Variants in GRIK4 observed in about 807,000 individuals in gnomAD.
The protein encoded by GRIK4 is glutamate receptor ionotropic, kainate 4.
Under a neutral mutation model 104.9 loss-of-function variants are expected in GRIK4, and 40 were observed. The ratio of observed to expected loss-of-function variants is 0.38; its 90% CI spans 0.30 to 0.50. The LOEUF is 0.50. Ranked by LOEUF, GRIK4 falls within the 20% of genes least tolerant of loss-of-function variation. The probability of loss-of-function intolerance (pLI) is 0.93; values close to 1 mark genes in which losing one functional copy is unlikely to be tolerated. For synonymous variants in GRIK4, 485 were observed against 524.9 expected (o/e 0.92, Z 1.04); for missense variants, 1,047 against 1,308.1 (o/e 0.80, Z 3.08).
At chr11:120,725,633 A>G (rs1033803324) in intron 3 of GRIK4, among the ~76,000 whole-genome samples, 6 of 152,124 alleles carry the variant, frequency 3.9e-5, no homozygotes, top group African/African-American at 1.4e-4. Flanking sequence ...GGTGAGTTTC[A>G]ATTCTTTGAT....
intron 1 of GRIK4, among the ~76,000 whole-genome samples, chr11:120,531,359 G>C (rs1404577660): frequency 6.6e-6 from 1 of 152,156 alleles, no homozygotes; most frequent in Non-Finnish European, 1.5e-5. Context: ...CATGTCGTCT[G>C]CCCCTGCCAC....
chr11:120,583,797 T>A (rs1185707286), intron 1 of GRIK4, among the ~76,000 whole-genome samples: 1 of 152,250 alleles, frequency 6.6e-6, no homozygotes, highest in Non-Finnish European at 1.5e-5. Context: ...TGTAGATTGC[T>A]TTGGGCAGTA....
chr11:120,723,749 C>T (rs532035841), intron 3 of GRIK4, among the ~76,000 whole-genome samples: 1 of 152,192 alleles, frequency 6.6e-6, no homozygotes, highest in South Asian at 2.1e-4. Flanking sequence ...GCTTTATAAG[C>T]TGTGACGCTC....
At chr11:120,949,436 C>A (rs1253569682) in intron 14 of GRIK4, among the ~76,000 whole-genome samples, 1 of 152,182 alleles carries the variant, frequency 6.6e-6, no homozygotes, top group African/African-American at 2.4e-5. Context: ...ACATTTGGGG[C>A]ATAGACTATA....
intron 10 of GRIK4, 129 bp from the exon 11 acceptor site, chr11:120,875,010 G>A (rs1384596774): frequency 1.1e-5 from 7 of 660,956 alleles, no homozygotes; most frequent in Non-Finnish European, 1.9e-5. Flanking sequence ...CTGTGTGTGG[G>A]CAGGAGAAGG....
chr11:120,837,351 A>T (rs1953600261), intron 8 of GRIK4, among the ~76,000 whole-genome samples: 2 of 152,046 alleles, frequency 1.3e-5, no homozygotes, highest in Admixed American at 1.3e-4. Context: ...GTTGAAACAG[A>T]CCTTAGAGGA....
intron 8 of GRIK4, among the ~76,000 whole-genome samples, chr11:120,853,933 G>A (rs149142511): frequency 1.3e-5 from 2 of 152,174 alleles, no homozygotes; most frequent in African/African-American, 2.4e-5. Context: ...GGTCTTATTT[G>A]CCAAGGACCT....
At chr11:120,708,928 C>T (rs1221758809) in intron 3 of GRIK4, among the ~76,000 whole-genome samples, 1 of 152,098 alleles carries the variant, frequency 6.6e-6, no homozygotes. Context: ...TTCGATGGGC[C>T]AGAGCATAAG....
chr11:120,684,258 G>A (rs1186548613), intron 3 of GRIK4, among the ~76,000 whole-genome samples: 5 of 152,200 alleles, frequency 3.3e-5, no homozygotes, highest in African/African-American at 1.2e-4. Flanking sequence ...GGGAGATTGA[G>A]GCTGCAGTGA....
At chr11:120,894,910 A>G (rs1942533679) in intron 11 of GRIK4, 1 of 145,288 alleles carries the variant, frequency 6.9e-6, no homozygotes, top group African/African-American at 2.5e-5. Flanking sequence ...GCCTTTCTGC[A>G]ATTAGATTGC....
At chr11:120,583,612 G>C (rs1948617461) in intron 1 of GRIK4, among the ~76,000 whole-genome samples, 1 of 152,168 alleles carries the variant, frequency 6.6e-6, no homozygotes, top group African/African-American at 2.4e-5. Flanking sequence ...TTTGTTTACT[G>C]TAACCATGTA....
At chr11:120,690,390 C>T (rs1012483282) in intron 3 of GRIK4, among the ~76,000 whole-genome samples, 2 of 152,238 alleles carry the variant, frequency 1.3e-5, no homozygotes, top group Non-Finnish European at 2.9e-5. Flanking sequence ...CACATTCTCC[C>T]ACTGCAATCC....
chr11:120,795,201 T>C (rs1438075300), intron 3 of GRIK4, among the ~76,000 whole-genome samples: 2 of 152,150 alleles, frequency 1.3e-5, no homozygotes, highest in East Asian at 3.8e-4. Context: ...GTTACCGAAG[T>C]GCATGGAAAT....
intron 3 of GRIK4, among the ~76,000 whole-genome samples, chr11:120,715,453 A>G (rs755897578): frequency 2.6e-5 from 4 of 152,148 alleles, no homozygotes; most frequent in Non-Finnish European, 4.4e-5. Flanking sequence ...GAACCCCCCT[A>G]GAGGTTGTTC....
At chr11:120,779,738 A>C (rs140962818) in intron 3 of GRIK4, among the ~76,000 whole-genome samples, 86 of 152,344 alleles carry the variant, frequency 5.6e-4, no homozygotes, top group African/African-American at 2.0e-3. Flanking sequence ...ATCTTCCTCA[A>C]ATCAAATCAT....
intron 3 of GRIK4, among the ~76,000 whole-genome samples, chr11:120,742,203 G>A (rs772963812): frequency 1.4e-4 from 21 of 152,044 alleles, no homozygotes; most frequent in African/African-American, 4.3e-4. Context: ...AAAGTTAGCC[G>A]GGCATGTTGG....
At chr11:120,558,723 A>G (rs1362196575) in intron 1 of GRIK4, among the ~76,000 whole-genome samples, 1 of 152,258 alleles carries the variant, frequency 6.6e-6, no homozygotes, top group Non-Finnish European at 1.5e-5. Flanking sequence ...TAACAAAGTG[A>G]GTAGATTATA....
At chr11:120,749,820 A>G (rs771007860) in intron 3 of GRIK4, among the ~76,000 whole-genome samples, 1 of 152,132 alleles carries the variant, frequency 6.6e-6, no homozygotes, top group Non-Finnish European at 1.5e-5. Context: ...GGCGGGGGGA[A>G]GTTTCAGAAT....
intron 13 of GRIK4, among the ~76,000 whole-genome samples, chr11:120,938,681 A>C (rs540322030): frequency 1.3e-5 from 2 of 152,316 alleles, no homozygotes; most frequent in African/African-American, 4.8e-5. Context: ...AGATTGTTGG[A>C]CCACACTTCA....
Sources: gnomAD v4.1 joint callset for allele counts (sites outside exome capture counted in the v4.1 genomes callset) on GRCh38, gnomAD v4.1.1 for gene constraint, MANE v1.5 for transcripts, NCBI Gene and HGNC (gene_info 2026-07-23, HGNC 2026-07-21) for gene names.